Variants in WWOX observed in about 807,000 individuals in gnomAD.
WWOX encodes WW domain containing oxidoreductase.
A neutral mutation model predicts 46.2 loss-of-function variants in WWOX; 69 were observed. That is an observed-to-expected ratio of 1.49 (90% CI 1.23 to 1.82). The LOEUF (loss-of-function observed/expected upper bound fraction) is 1.82. Ranked by LOEUF, WWOX falls within the 40% of genes most tolerant of loss-of-function variation. The pLI is 0.00. For missense variants in WWOX, 919 were observed against 542.6 expected (o/e 1.69, Z -6.89); for synonymous variants, 359 against 202.6 (o/e 1.77, Z -6.56).
At chr16:79,199,767 G>T (rs1424816028) in intron 8 of WWOX, among the ~76,000 whole-genome samples, 2 of 152,158 alleles carry the variant, frequency 1.3e-5, no homozygotes, top group Non-Finnish European at 2.9e-5. Context: ...TTGACAGTTC[G>T]AAGGTCAGCT....
At chr16:78,654,124 G>T (rs1249961636) in intron 8 of WWOX, among the ~76,000 whole-genome samples, 1 of 152,216 alleles carries the variant, frequency 6.6e-6, no homozygotes, top group South Asian at 2.1e-4. Flanking sequence ...AAAGGCCAGG[G>T]TCTGGACTCA....
chr16:78,408,263 C>G (rs1448571779), intron 6 of WWOX, among the ~76,000 whole-genome samples: 1 of 152,174 alleles, frequency 6.6e-6, no homozygotes, highest in East Asian at 1.9e-4. Context: ...AACTGGTTTC[C>G]TATGCTGTCA....
At chr16:78,140,049 G>T (rs570274623) in intron 4 of WWOX, among the ~76,000 whole-genome samples, 2 of 152,306 alleles carry the variant, frequency 1.3e-5, no homozygotes, top group African/African-American at 4.8e-5. Context: ...ATCCCATGCT[G>T]CAGAGTCAGA....
chr16:78,963,542 A>C (rs2046311288), intron 8 of WWOX, among the ~76,000 whole-genome samples: 1 of 152,224 alleles, frequency 6.6e-6, no homozygotes, highest in Admixed American at 6.5e-5. Context: ...TAAACACTTA[A>C]GCAGGTGTGT....
At chr16:78,800,762 G>C (rs2050865337) in intron 8 of WWOX, among the ~76,000 whole-genome samples, 1 of 152,172 alleles carries the variant, frequency 6.6e-6, no homozygotes, top group African/African-American at 2.4e-5. Context: ...GCTAAGGTCA[G>C]TGTGTCTGGG....
intron 1 of WWOX, among the ~76,000 whole-genome samples, chr16:78,103,951 G>T (rs1023387791): frequency 8.6e-5 from 13 of 152,034 alleles, no homozygotes; most frequent in Non-Finnish European, 1.8e-4. Context: ...ACCAGGGTGG[G>T]CTCCCAGGGG....
chr16:78,812,712 T>A (rs935507532), intron 8 of WWOX, among the ~76,000 whole-genome samples: 2 of 151,410 alleles, frequency 1.3e-5, no homozygotes, highest in African/African-American at 4.9e-5. Flanking sequence ...GGTGACAGAA[T>A]GAGACTCCAT....
chr16:78,494,640 G>T (rs899921972), intron 8 of WWOX, among the ~76,000 whole-genome samples: 4 of 152,166 alleles, frequency 2.6e-5, no homozygotes, highest in Admixed American at 6.5e-5. Flanking sequence ...TGGAAAGACT[G>T]CATCTCCTGG....
intron 8 of WWOX, among the ~76,000 whole-genome samples, chr16:79,094,061 C>T (rs991760872): frequency 1.6e-4 from 24 of 152,144 alleles, no homozygotes; most frequent in African/African-American, 5.6e-4. Context: ...CATAATTTAG[C>T]CAGATAAAGT....
At chr16:79,023,978 T>C (rs926646800) in intron 8 of WWOX, among the ~76,000 whole-genome samples, 1 of 151,096 alleles carries the variant, frequency 6.6e-6, no homozygotes, top group African/African-American at 2.4e-5. Context: ...AAAAACATTA[T>C]ATTAAGTGAA....
At chr16:78,677,404 A>G (rs188318048) in intron 8 of WWOX, among the ~76,000 whole-genome samples, 671 of 152,302 alleles carry the variant, frequency 4.4e-3, no homozygotes, top group Non-Finnish European at 7.1e-3. Flanking sequence ...GTTTTTGAAA[A>G]CTTGCAATGG....
chr16:78,398,041 G>A (rs1325782519), intron 6 of WWOX, among the ~76,000 whole-genome samples: 1 of 152,160 alleles, frequency 6.6e-6, no homozygotes, highest in Non-Finnish European at 1.5e-5. Context: ...GAATGTCACT[G>A]TCCATTTCCA....
At chr16:79,100,976 A>C (rs1224441974) in intron 8 of WWOX, among the ~76,000 whole-genome samples, 1 of 151,810 alleles carries the variant, frequency 6.6e-6, no homozygotes, top group African/African-American at 2.4e-5. Flanking sequence ...ACCTGTAGAA[A>C]GGTCTTGTGG....
At chr16:78,587,503 G>A (rs527688677) in intron 8 of WWOX, among the ~76,000 whole-genome samples, 2 of 152,132 alleles carry the variant, frequency 1.3e-5, no homozygotes, top group African/African-American at 2.4e-5. Flanking sequence ...CAAGATAAGT[G>A]TCTTATTGAT....
intron 8 of WWOX, among the ~76,000 whole-genome samples, chr16:78,591,801 G>A (rs2045358486): frequency 6.6e-6 from 1 of 152,192 alleles, no homozygotes; most frequent in African/African-American, 2.4e-5. Context: ...TTCTAGTGCA[G>A]TGGTAGCTGG....
chr16:78,947,374 T>TC (rs11371029), intron 8 of WWOX, among the ~76,000 whole-genome samples: 22,484 of 151,448 alleles, frequency 0.15, 1,765 homozygotes, highest in Middle Eastern at 0.23. Flanking sequence ...ATTTTTCTCT[T>TC]CCCCCCCTTA....
chr16:78,829,842 C>A (rs572963075), intron 8 of WWOX, among the ~76,000 whole-genome samples: 1 of 152,260 alleles, frequency 6.6e-6, no homozygotes, highest in East Asian at 1.9e-4. Flanking sequence ...TAGCATTTTT[C>A]TTTGAGTAGT....
At chr16:78,756,806 GTCT>G (rs2049660449) in intron 8 of WWOX, 5 of 555,042 alleles carry the variant, frequency 9.0e-6, no homozygotes, top group South Asian at 2.6e-5. Flanking sequence ...TCTCAGCATA[GTCT>G]TCTCGGACAC....
chr16:78,242,402 C>T lies in WWOX; in HGVS notation c.516+78113C>T, dbSNP rs78027929. Among the ~76,000 whole-genome samples the T allele has an allele frequency of 1.1e-4, 16 of 152,268 alleles. No homozygotes were observed. The East Asian group carries it at 2.7e-3, about 26-fold the overall frequency. The stretch of plus-strand genomic sequence containing the variant: ...TTGGCAAACATTAACACAACTTCTC[C>T]GTGTGTGGGCTAAATAAATATTCGG... On this transcript the variant is annotated intron_variant, in intron 5 of 8. Transcript: ENST00000566780.
Sources: allele counts gnomAD v4.1 joint callset (sites outside exome capture counted in the v4.1 genomes callset), GRCh38; gene constraint gnomAD v4.1.1; transcripts MANE v1.5; gene names NCBI Gene and HGNC (gene_info 2026-07-23, HGNC 2026-07-21).